CERS3: variants seen among roughly 807,000 people sequenced by gnomAD.
CERS3 encodes ceramide synthase 3.
In CERS3, 33 loss-of-function variants were observed where a neutral mutation model predicts 50.3. That is an observed-to-expected ratio of 0.66 (90% CI 0.50 to 0.88). CERS3 has a LOEUF of 0.88. CERS3 is among the 40% of genes least tolerant of loss of function. CERS3 has a pLI of 0.00. For synonymous variants in CERS3, 176 were observed against 155.2 expected (o/e 1.13, Z -0.99); for missense variants, 470 against 460.3 (o/e 1.02, Z -0.19).
chr15:100,463,849 C>T (rs1056708488), intron 10 of CERS3, among the ~76,000 whole-genome samples: 1 of 152,212 alleles, frequency 6.6e-6, no homozygotes, highest in African/African-American at 2.4e-5. Context: ...AGAACCGATG[C>T]TCTGCCCTCT....
chr15:100,535,003 A>C (rs1278330460), intron 1 of CERS3, among the ~76,000 whole-genome samples: 1 of 152,092 alleles, frequency 6.6e-6, no homozygotes, highest in Non-Finnish European at 1.5e-5. Flanking sequence ...ACCAATGTAC[A>C]TCTTACATGT....
intron 11 of CERS3, among the ~76,000 whole-genome samples, chr15:100,424,005 C>T (rs920592924): frequency 6.6e-6 from 1 of 151,226 alleles, no homozygotes. Context: ...GCAATGGCAC[C>T]ATCTCGGCTC....
intron 3 of CERS3, among the ~76,000 whole-genome samples, chr15:100,491,774 A>T (rs1415161932): frequency 2.0e-5 from 3 of 151,960 alleles, no homozygotes; most frequent in Admixed American, 2.0e-4. Context: ...TTTTTCATTC[A>T]TCTCAAGTAT....
At chr15:100,438,586 C>T (rs1219958275) in intron 11 of CERS3, among the ~76,000 whole-genome samples, 2 of 147,658 alleles carry the variant, frequency 1.4e-5, no homozygotes, top group Non-Finnish European at 3.0e-5. Flanking sequence ...CTTGGCTTTG[C>T]CATGAAATTA....
rs570787379 is a variant in CERS3, at chr15:100,464,546, C to T, written c.845+4832G>A. Among the ~76,000 whole-genome samples the T allele has an allele frequency of 5.9e-5, 9 of 152,308 alleles. No individual in the cohort carries two copies. In the South Asian group the frequency reaches 8.3e-4, roughly 14 times the overall value. Reference sequence around the variant, plus strand: ...AGGTGGACCTACCTGCGTGGAACCACGATCTGCTCTTGTTATTTGTGGAGG... The same window carrying T: ...AGGTGGACCTACCTGCGTGGAACCATGATCTGCTCTTGTTATTTGTGGAGG... On this transcript the variant is annotated intron_variant, in intron 10 of 11. Transcript: ENST00000679737.
At chr15:100,484,137 T>A (rs2035414404) in intron 5 of CERS3, among the ~76,000 whole-genome samples, 1 of 152,072 alleles carries the variant, frequency 6.6e-6, no homozygotes, top group Non-Finnish European at 1.5e-5. Flanking sequence ...AGACATTCTC[T>A]GCTCTTACAG....
chr15:100,442,791 C>T (rs1243292845), intron 11 of CERS3, among the ~76,000 whole-genome samples: 3 of 152,224 alleles, frequency 2.0e-5, no homozygotes, highest in Non-Finnish European at 4.4e-5. Context: ...TCGGAAGCCC[C>T]CTAGACCATC....
chr15:100,456,070 A>C, intron 10 of CERS3, 24 bp from the exon 11 acceptor site: 1 of 1,575,170 alleles, frequency 6.3e-7, no homozygotes, highest in East Asian at 2.3e-5. Context: ...CAGTTGAGAG[A>C]ATTTCATTAC....
intron 2 of CERS3, among the ~76,000 whole-genome samples, chr15:100,519,313 C>T (rs1445953558): frequency 6.6e-6 from 1 of 152,118 alleles, no homozygotes; most frequent in African/African-American, 2.4e-5. Context: ...ACTCCCATCC[C>T]CACCTTCCAG....
At chr15:100,503,669 T>G (rs577327389) in intron 2 of CERS3, 1 of 470,520 alleles carries the variant, frequency 2.1e-6, no homozygotes, top group Admixed American at 2.4e-5. Context: ...GAGGACTGGA[T>G]TTCAAGCCCC....
chr15:100,544,506 C>A (rs1567697505), intron 1 of CERS3: 1 of 108,132 alleles, frequency 9.2e-6, no homozygotes. Flanking sequence ...CCTGGGCCTG[C>A]GCGGGGACGA....
intron 11 of CERS3, among the ~76,000 whole-genome samples, chr15:100,424,068 G>A (rs755975902): frequency 2.1e-4 from 32 of 151,698 alleles, no homozygotes; most frequent in Non-Finnish European, 8.8e-5. Context: ...CAGCCTCTCA[G>A]GTAGCTTGGA....
At chr15:100,491,032 T>G (rs1729944253) in intron 3 of CERS3, 101 bp from the exon 4 acceptor site, 2 of 736,686 alleles carry the variant, frequency 2.7e-6, no homozygotes, top group Admixed American at 2.9e-5. Flanking sequence ...ATGAAATCAG[T>G]CATTTGTTTA....
intron 11 of CERS3, among the ~76,000 whole-genome samples, chr15:100,404,804 C>T (rs185904238): frequency 6.6e-6 from 1 of 152,158 alleles, no homozygotes; most frequent in Non-Finnish European, 1.5e-5. Context: ...AATGGAGGCT[C>T]TAGAAATAGA....
chr15:100,423,387 G>C (rs974735514), intron 11 of CERS3, among the ~76,000 whole-genome samples: 2 of 152,204 alleles, frequency 1.3e-5, no homozygotes, highest in African/African-American at 4.8e-5. Context: ...ATCAGTAGTG[G>C]ACTGGATAAG....
At position 100,456,060 on chromosome 15, in the gene CERS3, C is replaced by A; in HGVS notation, c.846-14G>T. 6.3e-7 allele frequency: 1 copy of A among 1,587,254 alleles called. No individual in the cohort carries two copies. Among genetic ancestry groups the A allele is most frequent in the South Asian group, 1.2e-5 (1 of 86,708 alleles). On this transcript the variant is annotated splice_polypyrimidine_tract_variant and intron_variant, in intron 10 of 11. Coordinates refer to ENST00000679737, the MANE Select transcript of CERS3 (RefSeq NM_001378789.1). ...CAATATAAAATCCTGAAACACCAAA[C>A]AGTTGAGAGAATTTCATTACAACCA... is the stretch of plus-strand genomic sequence containing the variant.
chr15:100,510,347 C>CA (rs1208515331), intron 2 of CERS3, among the ~76,000 whole-genome samples: 3 of 151,508 alleles, frequency 2.0e-5, no homozygotes, highest in South Asian at 2.1e-4. Flanking sequence ...TACTACAAGA[C>CA]AAAAAATAAT....
At chr15:100,525,703 T>C (rs2036767509) in intron 1 of CERS3, among the ~76,000 whole-genome samples, 1 of 152,336 alleles carries the variant, frequency 6.6e-6, no homozygotes, top group South Asian at 2.1e-4. Context: ...AATTTATTTA[T>C]TTTAATTAGA....
At chr15:100,436,777 CTTAT>C (rs950957676) in intron 11 of CERS3, among the ~76,000 whole-genome samples, 3 of 152,050 alleles carry the variant, frequency 2.0e-5, no homozygotes, top group Non-Finnish European at 4.4e-5. Flanking sequence ...GATTGTTTTA[CTTAT>C]TTAAACATCC....
Sources: allele counts gnomAD v4.1 joint callset (sites outside exome capture counted in the v4.1 genomes callset), GRCh38; gene constraint gnomAD v4.1.1; transcripts MANE v1.5; gene names NCBI Gene and HGNC (gene_info 2026-07-23, HGNC 2026-07-21).